Variants in GZF1 observed in about 807,000 individuals in gnomAD.
The protein encoded by GZF1 is GDNF-inducible zinc finger protein 1.
A neutral mutation model predicts 49.4 loss-of-function variants in GZF1; 28 were observed. The observed-to-expected ratio is 0.57, with a 90% CI of 0.42 to 0.78. The LOEUF is 0.78. Ranked by LOEUF, GZF1 falls within the 30% of genes least tolerant of loss-of-function variation. The pLI is 0.00. For missense variants in GZF1, 798 were observed against 916.2 expected (o/e 0.87, Z 1.67); for synonymous variants, 364 against 356.0 (o/e 1.02, Z -0.25).
intron 2 of GZF1, among the ~76,000 whole-genome samples, chr20:23,366,450 G>A (rs1260472706): frequency 6.6e-6 from 1 of 150,762 alleles, no homozygotes; most frequent in Non-Finnish European, 1.5e-5. Context: ...GGTTTAGGAA[G>A]TGCTCAGTAA....
chr20:23,367,185 G>T, intron 3 of GZF1, 88 bp downstream of exon 3: 1 of 904,304 alleles, frequency 1.1e-6, no homozygotes, highest in Non-Finnish European at 1.8e-6. Flanking sequence ...CATCTACCAA[G>T]GTGGTGCAGG....
At chr20:23,367,209 A>G in intron 3 of GZF1, 112 bp downstream of exon 3, 1 of 718,576 alleles carries the variant, frequency 1.4e-6, no homozygotes, top group Non-Finnish European at 2.4e-6. Context: ...AAGCCATGAT[A>G]TAGCTTTTCC....
In GZF1 at chr20:23,363,412, C is replaced by G. The variant is rs1980925359; in HGVS notation, c.-21-951C>G. The G allele has an allele frequency of 2.0e-5, 3 of 152,308 alleles. No individual in the cohort carries two copies. In the South Asian group the frequency reaches 6.2e-4, roughly 32 times the overall value. The allele number at this position is 152,308 out of a possible 1,614,324, so 9.4% of individuals were successfully genotyped here. On this transcript the variant is annotated intron_variant, in intron 1 of 5. Coordinates refer to ENST00000338121, the MANE Select transcript of GZF1 (RefSeq NM_022482.5). ...CGATGGGGTGACGGTATCTGGAGGC[C>G]TTAGGTGGGGTTGGTGAAATTTGCA... is the stretch of plus-strand genomic sequence containing the variant.
Position 23,365,755 on chromosome 20 carries a change from G to A in GZF1, c.1364+8G>A, listed in dbSNP as rs768408959. On this transcript the variant is annotated splice_region_variant and intron_variant, in intron 2 of 5. Coordinates refer to ENST00000338121, the MANE Select transcript of GZF1 (RefSeq NM_022482.5). ...GCTCAAGACGCACATGAGGTACGCG[G>A]GGAGCCGTCCGGAGGGGTCCCTGCG... 3.3e-6 allele frequency: 5 copies of A among 1,521,844 alleles called. No homozygotes were observed. In the African/African-American group the frequency reaches 6.9e-5, roughly 21 times the overall value. 94.3% of individuals were successfully genotyped at this position (1,521,844 alleles called of 1,614,324 possible).
rs760116028 is a variant in GZF1, at chr20:23,365,362, C to T, written c.979C>T (p.Leu327=). ...FKCSICEKAF[L]YEKSFLKHSK... ...GTGCAGCATTTGCGAGAAGGCGTTT[C>T]TGTATGAGAAGAGCTTCCTGAAGCA... Residue 327 remains leucine (L), a synonymous_variant, in exon 2 of 6, where the codon CTG becomes TTG. Coordinates refer to ENST00000338121, the MANE Select transcript of GZF1 (RefSeq NM_022482.5). 6.2e-7 allele frequency: 1 copy of T among 1,612,794 alleles called. No homozygotes were observed. Among genetic ancestry groups the T allele is most frequent in the South Asian group, 1.1e-5 (1 of 91,002 alleles).
rs1388683422 is a variant in GZF1 at position 23,364,409 on chromosome 20, A to C, written c.26A>C (p.Glu9Ala). Reference protein sequence around the residue: MESGAVLLESKSSPFNLLH... With the variant: MESGAVLLASKSSPFNLLH... ...ATGGAAAGCGGTGCAGTTCTGCTGG[A>C]ATCCAAATCCTCCCCATTTAACCTA... The change falls in exon 2 of 6, where the codon GAA (glutamate) becomes GCA (alanine). Residue 9 changes from glutamate to alanine, a missense_variant. Transcript: ENST00000338121. The C allele has an allele frequency of 8.1e-6, 13 of 1,599,842 alleles. No individual in the cohort carries two copies. The highest frequency in any genetic ancestry group is 1.1e-5 in the Non-Finnish European group (13 of 1,171,812).
rs1255366250 is a variant in GZF1, at chr20:23,372,298, C to G, written c.*1857C>G. ...ATCTATTTCTGTTATAATTTAGGTT[C>G]TGCAGAAATATGATTCTTAATTGAA... On this transcript the variant is annotated 3_prime_UTR_variant, in exon 6 of 6. Transcript: ENST00000338121. 1 of 152,438 alleles carries G rather than the reference C, an allele frequency of 6.6e-6. No individual in the cohort carries two copies. Among genetic ancestry groups the G allele is most frequent in the Non-Finnish European group, 1.5e-5 (1 of 68,012 alleles). 9.4% of individuals were successfully genotyped at this position (152,438 alleles called of 1,614,324 possible).
In GZF1 at chr20:23,365,105, C is replaced by T. The variant is rs756784368; in HGVS notation, c.722C>T (p.Thr241Met). 2.9e-5 allele frequency: 47 copies of T among 1,613,814 alleles called. No homozygotes were observed. The highest frequency in any genetic ancestry group is 3.7e-5 in the Non-Finnish European group (44 of 1,180,048). ...GTGGAGATCCCTAAAAAGAAATATA[C>T]GAGAAGACTCCGAGAGCAGCAGAAA... ...VFVEIPKKKY[T>M]RRLREQQKTA... The change falls in exon 2 of 6, where the codon ACG (threonine) becomes ATG (methionine). Residue 241 changes from threonine to methionine, a missense_variant. By Grantham distance (81) the Thr-to-Met change is moderately conservative. Transcript: ENST00000338121.
At position 23,370,141 on chromosome 20, in the gene GZF1, C is replaced by G; in HGVS notation, c.1836C>G (p.Gly612=). 2 of 1,614,216 alleles carry G rather than the reference C, an allele frequency of 1.2e-6. No individual in the cohort carries two copies. Among genetic ancestry groups the G allele is most frequent in the Non-Finnish European group, 1.7e-6 (2 of 1,180,030 alleles). Residue 612 remains glycine, a synonymous_variant, in exon 6 of 6, where the codon GGC becomes GGG. Transcript: ENST00000338121. Reference sequence around the variant, plus strand: ...AGTCTTTCCTTGTCATTGTAGATGGCTCGCCCAAGAACGATGACGGACACA... The same window carrying G: ...AGTCTTTCCTTGTCATTGTAGATGGGTCGCCCAAGAACGATGACGGACACA... The part of the protein sequence containing the change: ...PWKSFLVIVD[G]SPKNDDGHKT...
Position 23,371,954 on chromosome 20 carries a change from A to G in GZF1, c.*1513A>G, listed in dbSNP as rs1211768499. ...CCACTACAAGGTGTTTCAGGCGCTGATAACATGCTTCACACCTGCCCTTGG... is the reference window on the plus strand; with the variant it reads ...CCACTACAAGGTGTTTCAGGCGCTGGTAACATGCTTCACACCTGCCCTTGG... On this transcript the variant is annotated 3_prime_UTR_variant, in exon 6 of 6. Transcript: ENST00000338121. 6.6e-6 allele frequency: 1 copy of G among 152,646 alleles called. No homozygotes were observed. Among genetic ancestry groups the G allele is most frequent in the Non-Finnish European group, 1.5e-5 (1 of 68,032 alleles). The allele number at this position is 152,646 out of a possible 1,614,324, so 9.5% of individuals were successfully genotyped here.
rs1490540641 is a variant in GZF1 at position 23,364,844 on chromosome 20, G to T, written c.461G>T (p.Gly154Val). ...TCTCAGGAGGTGGAGGTGAGCAGTGGCTCCCAAGTTAGTGCTGCTCCTGCC... is the reference window on the plus strand; with the variant it reads ...TCTCAGGAGGTGGAGGTGAGCAGTGTCTCCCAAGTTAGTGCTGCTCCTGCC... ...SESQEVEVSS[G>V]SQVSAAPAPR... The change falls in exon 2 of 6, where the codon GGC becomes GTC. Residue 154 changes from glycine (G) to valine (V), a missense_variant. Gly to Val is a moderately radical substitution (Grantham distance 109). This residue lies in a region of GZF1 where 247 missense variants were observed against 228.5 expected (regional missense o/e 1.08). Coordinates refer to ENST00000338121, the MANE Select transcript of GZF1 (RefSeq NM_022482.5). The T allele has an allele frequency of 6.2e-7, 1 of 1,614,112 alleles. No homozygotes were observed. Among genetic ancestry groups the T allele is most frequent in the Non-Finnish European group, 8.5e-7 (1 of 1,180,048 alleles).
chr20:23,367,214 T>G, intron 3 of GZF1, 117 bp downstream of exon 3: 2 of 691,670 alleles, frequency 2.9e-6, no homozygotes, highest in South Asian at 3.3e-5. Flanking sequence ...ATGATATAGC[T>G]TTTCCATCTA....
Position 23,369,698 on chromosome 20 carries a change from G to C in GZF1, c.1742G>C (p.Gly581Ala). 6.2e-7 allele frequency: 1 copy of C among 1,613,912 alleles called. No homozygotes were observed. The highest frequency in any genetic ancestry group is 8.5e-7 in the Non-Finnish European group (1 of 1,179,910). ...AGGCCATTCATGTGCAATGCGTGCG[G>C]ACGGACATTCACCGACAAGTCCACT... ...GERPFMCNAC[G>A]RTFTDKSTLR... is the part of the protein sequence containing the mutation. The change falls in exon 5 of 6, where the codon GGA becomes GCA. Residue 581 changes from glycine to alanine, a missense_variant. Gly to Ala is a moderately conservative substitution (Grantham distance 60, BLOSUM62 0). Transcript: ENST00000338121.
Position 23,372,874 on chromosome 20 carries a change from G to A in GZF1, c.*2433G>A, listed in dbSNP as rs975115680. ...ACTCCAAAGGGATGTGCAGCCTTTC[G>A]TTTTACCAAATTCTTTGCTGTCGTT... On this transcript the variant is annotated 3_prime_UTR_variant, in exon 6 of 6. Coordinates refer to ENST00000338121, the MANE Select transcript of GZF1 (RefSeq NM_022482.5). 5.9e-5 allele frequency: 9 copies of A among 152,160 alleles called. No homozygotes were observed. The highest frequency in any genetic ancestry group is 2.6e-4 in the Admixed American group (4 of 15,274). The allele number at this position is 152,160 out of a possible 1,614,324, so 9.4% of individuals were successfully genotyped here.
chr20:23,367,775 C>T (rs1421795987), intron 3 of GZF1, among the ~76,000 whole-genome samples: 1 of 152,172 alleles, frequency 6.6e-6, no homozygotes, highest in East Asian at 1.9e-4. Context: ...CTTAAGTTGG[C>T]TTTATTCTGC....
upstream of GZF1, among the ~76,000 whole-genome samples, chr20:23,361,181 T>C (rs1980618249): frequency 6.6e-6 from 1 of 152,224 alleles, no homozygotes. Context: ...CATTACAAAC[T>C]CAACGTGTCG....
chr20:23,370,808 G>C lies in GZF1; in HGVS notation c.*367G>C, dbSNP rs1184908943. The C allele has an allele frequency of 5.0e-6, 1 of 198,970 alleles. No individual in the cohort carries two copies. The highest frequency in any genetic ancestry group is 1.0e-5 in the Non-Finnish European group (1 of 99,048). The allele number at this position is 198,970 out of a possible 1,614,324, so 12.3% of individuals were successfully genotyped here. On this transcript the variant is annotated 3_prime_UTR_variant, in exon 6 of 6. Coordinates refer to ENST00000338121, the MANE Select transcript of GZF1 (RefSeq NM_022482.5). ...GAACCAGCTCCTGATATTGTAGTTAGCAGTCTTCCTGGCTTCTCACTCTGC... is the reference window on the plus strand; with the variant it reads ...GAACCAGCTCCTGATATTGTAGTTACCAGTCTTCCTGGCTTCTCACTCTGC...
chr20:23,370,390 A>C lies in GZF1; in HGVS notation c.2085A>C (p.Pro695=). The C allele has an allele frequency of 6.2e-7, 1 of 1,613,942 alleles. No homozygotes were observed. The highest frequency in any genetic ancestry group is 1.3e-5 in the African/African-American group (1 of 75,040). The change falls in exon 6 of 6, where the codon CCA becomes CCC. Residue 695 remains proline, a synonymous_variant. Coordinates refer to ENST00000338121, the MANE Select transcript of GZF1 (RefSeq NM_022482.5). ...TCAGTGAGCTTAGCGAGCTGACCCCACAGACAGACTCGATGCCCACACAGC... is the reference window on the plus strand; with the variant it reads ...TCAGTGAGCTTAGCGAGCTGACCCCCCAGACAGACTCGATGCCCACACAGC... ...TTISELSELT[P]QTDSMPTQLH...
In GZF1 at chr20:23,364,610, A is replaced by G. The variant is rs545992812; in HGVS notation, c.227A>G (p.Asn76Ser). The change falls in exon 2 of 6, where the codon AAT (asparagine) becomes AGT (serine). Residue 76 changes from asparagine (N) to serine (S), a missense_variant. Physicochemically the swap from Asn to Ser is conservative, Grantham distance 46 (BLOSUM62 1). Coordinates refer to ENST00000338121, the MANE Select transcript of GZF1 (RefSeq NM_022482.5). ...AAGAGTGTGGATGGTACTAGGACTAATGTCTACTTAAATGAAGTGCAGGTT... is the reference window on the plus strand; with the variant it reads ...AAGAGTGTGGATGGTACTAGGACTAGTGTCTACTTAAATGAAGTGCAGGTT... ...NEKSVDGTRT[N>S]VYLNEVQVAD... 4 of 1,614,230 alleles carry G rather than the reference A, an allele frequency of 2.5e-6. No individual in the cohort carries two copies. In the African/African-American group the frequency reaches 5.3e-5, roughly 22 times the overall value.
Sources: gnomAD v4.1 joint callset for allele counts (sites outside exome capture counted in the v4.1 genomes callset) on GRCh38, gnomAD v4.1.1 for gene constraint, gnomAD v4.1.1 regional missense constraint, MANE v1.5 for transcripts, NCBI Gene and HGNC (gene_info 2026-07-23, HGNC 2026-07-21) for gene names.